WDR45B: variants seen among roughly 807,000 people sequenced by gnomAD.
WDR45B encodes the protein WD repeat domain 45B.
WDR45B carries 20 observed loss-of-function variants against 44.6 expected under a neutral mutation model. That is an observed-to-expected ratio of 0.45 (90% CI 0.32 to 0.65). The LOEUF is 0.65. WDR45B is among the 30% of genes least tolerant of loss of function. The pLI is 0.05. For missense variants in WDR45B, 323 were observed against 430.2 expected, an observed-to-expected ratio of 0.75 and a Z score of 2.20; for synonymous variants, 169 against 164.9, an observed-to-expected ratio of 1.02 and a Z score of -0.19.
intron 9 of WDR45B, 141 bp from the exon 10 acceptor site, chr17:82,616,166 C>A: frequency 1.2e-6 from 1 of 849,758 alleles, no homozygotes; most frequent in South Asian, 1.4e-5. Flanking sequence ...AGGGTCCCCA[C>A]TGAATGCGTT....
chr17:82,646,137 G>T (rs76551016), intron 1 of WDR45B, among the ~76,000 whole-genome samples: 1 of 146,924 alleles, frequency 6.8e-6, no homozygotes, highest in Non-Finnish European at 1.5e-5. Context: ...AAAAAAAAAA[G>T]ATCTACAACT....
chr17:82,624,115 C>T (rs559407298), intron 5 of WDR45B, among the ~76,000 whole-genome samples: 10 of 152,196 alleles, frequency 6.6e-5, no homozygotes, highest in Non-Finnish European at 1.0e-4. Flanking sequence ...GGAACATGCA[C>T]GACACTCCTC....
chr17:82,621,768 G>C lies in WDR45B; in HGVS notation c.459C>G (p.Asn153Lys), dbSNP rs768941562. ...GLCVLCPNSN[N>K]SLLAFPGTHT... ...GCGTGCCCGGAAAGGCCAGGAGGGA[G>C]TTGTTACTATTGGGACAAAGGACAC... The change falls in exon 6 of 10, where the codon AAC (asparagine) becomes AAG (lysine). Residue 153 changes from asparagine to lysine, a missense_variant. Physicochemically the swap from Asn to Lys is moderately conservative, Grantham distance 94. Coordinates refer to ENST00000392325, the MANE Select transcript of WDR45B (RefSeq NM_019613.4). 2 of 1,614,092 alleles carry C rather than the reference G, an allele frequency of 1.2e-6. No individual in the cohort carries two copies. The highest frequency in any genetic ancestry group is 2.2e-5 in the South Asian group (2 of 91,088).
At chr17:82,641,261 G>T (rs937998511) in intron 2 of WDR45B, among the ~76,000 whole-genome samples, 2 of 152,046 alleles carry the variant, frequency 1.3e-5, no homozygotes, top group Non-Finnish European at 2.9e-5. Context: ...GCCACCGTGC[G>T]GGCCGTCAAA....
intron 2 of WDR45B, among the ~76,000 whole-genome samples, chr17:82,638,191 C>T (rs978096960): frequency 2.7e-5 from 2 of 73,328 alleles, no homozygotes; most frequent in East Asian, 5.6e-4. Context: ...AGAGGGGAGG[C>T]GAGGGAAAGG....
intron 4 of WDR45B, chr17:82,626,722 C>A: frequency 4.8e-6 from 1 of 207,230 alleles, no homozygotes; most frequent in Non-Finnish European, 9.9e-6. Flanking sequence ...CTAGGACAAA[C>A]TTCCATATTC....
chr17:82,632,114 C>G (rs1411872149), intron 2 of WDR45B, among the ~76,000 whole-genome samples: 1 of 151,896 alleles, frequency 6.6e-6, no homozygotes, highest in Non-Finnish European at 1.5e-5. Context: ...TAAAAACAAA[C>G]CAAAAAAACC....
At chr17:82,622,118 G>A (rs1450122984) in intron 5 of WDR45B, among the ~76,000 whole-genome samples, 1 of 151,868 alleles carries the variant, frequency 6.6e-6, no homozygotes, top group African/African-American at 2.4e-5. Context: ...CAGGGTACAC[G>A]CCACCGAAAA....
At chr17:82,627,056 T>A in intron 4 of WDR45B, 148 bp downstream of exon 4, 1 of 758,922 alleles carries the variant, frequency 1.3e-6, no homozygotes, top group Non-Finnish European at 2.3e-6. Flanking sequence ...ATATAAATAA[T>A]CCTTATATCC....
intron 3 of WDR45B, chr17:82,629,806 T>C (rs1357192074): frequency 4.1e-6 from 4 of 985,240 alleles, no homozygotes; most frequent in Non-Finnish European, 4.8e-6. Context: ...AATCCTTTTG[T>C]GCCTGATCTG....
At chr17:82,634,705 T>C (rs898674493) in intron 2 of WDR45B, among the ~76,000 whole-genome samples, 3 of 151,944 alleles carry the variant, frequency 2.0e-5, no homozygotes, top group Admixed American at 2.0e-4. Flanking sequence ...AGTGATTTAT[T>C]ATTCAGCCTT....
intron 2 of WDR45B, among the ~76,000 whole-genome samples, chr17:82,638,460 A>G (rs968260671): frequency 6.6e-6 from 1 of 151,566 alleles, no homozygotes; most frequent in Non-Finnish European, 1.5e-5. Context: ...ACCAAAATAT[A>G]TAATTACACC....
chr17:82,646,924 G>A (rs770842486), intron 1 of WDR45B, among the ~76,000 whole-genome samples: 6 of 152,126 alleles, frequency 3.9e-5, no homozygotes, highest in Admixed American at 6.5e-5. Context: ...TCACTGAGAG[G>A]GAGTTCTTTC....
intron 1 of WDR45B, among the ~76,000 whole-genome samples, chr17:82,646,217 G>C (rs1304642435): frequency 6.6e-6 from 1 of 151,140 alleles, no homozygotes; most frequent in Non-Finnish European, 1.5e-5. Flanking sequence ...ACAGCCTGGC[G>C]CCGTGGCTCA....
At chr17:82,619,711 A>C (rs909036432) in intron 6 of WDR45B, among the ~76,000 whole-genome samples, 2 of 152,374 alleles carry the variant, frequency 1.3e-5, no homozygotes, top group Admixed American at 6.5e-5. Flanking sequence ...TGGGAAAACG[A>C]GAACTGCTGC....
At chr17:82,626,773 G>T in intron 4 of WDR45B, 1 of 251,044 alleles carries the variant, frequency 4.0e-6, no homozygotes, top group East Asian at 9.9e-5. Context: ...AGAACCACCT[G>T]CTACTTTCAA....
chr17:82,617,596 C>T (rs1391971104), intron 7 of WDR45B, 199 bp from the exon 8 acceptor site: 5 of 632,560 alleles, frequency 7.9e-6, no homozygotes, highest in South Asian at 1.7e-5. Flanking sequence ...GCCACAGCCA[C>T]AATCCAGTGT....
chr17:82,627,668 C>T (rs1334934164), intron 3 of WDR45B, among the ~76,000 whole-genome samples: 2 of 152,284 alleles, frequency 1.3e-5, no homozygotes, highest in Non-Finnish European at 2.9e-5. Context: ...AACCATTGCT[C>T]CCTCCCCGTC....
intron 1 of WDR45B, among the ~76,000 whole-genome samples, chr17:82,647,770 A>C (rs1477121853): frequency 6.6e-6 from 1 of 151,854 alleles, no homozygotes; most frequent in Non-Finnish European, 1.5e-5. Context: ...GCTCCAGTAA[A>C]CCCAAGCGAA....
Sources: allele counts gnomAD v4.1 joint callset (sites outside exome capture counted in the v4.1 genomes callset), GRCh38; gene constraint gnomAD v4.1.1; transcripts MANE v1.5; gene names NCBI Gene and HGNC (gene_info 2026-07-23, HGNC 2026-07-21).